Variants in KCNH7 observed in about 807,000 individuals in gnomAD.
KCNH7 encodes voltage-gated inwardly rectifying potassium channel KCNH7.
KCNH7 carries 49 observed loss-of-function variants against 120.8 expected under a neutral mutation model. The observed-to-expected ratio is 0.41, with a 90% CI of 0.32 to 0.51. The LOEUF is 0.51. Among genes scored for constraint, KCNH7 ranks in the 20% least tolerant of loss-of-function variants. The pLI, the probability that KCNH7 is intolerant of heterozygous loss-of-function variation, is 0.38. For synonymous variants in KCNH7, 547 were observed against 516.1 expected, an observed-to-expected ratio of 1.06 and a Z score of -0.81; for missense variants, 1,097 against 1,446.6, an observed-to-expected ratio of 0.76 and a Z score of 3.92.
chr2:162,530,580 T>A (rs1359935692), intron 3 of KCNH7, among the ~76,000 whole-genome samples: 1 of 152,014 alleles, frequency 6.6e-6, no homozygotes, highest in African/African-American at 2.4e-5. Context: ...CATTGTATAC[T>A]TCTTTGTAAC....
chr2:162,537,912 A>T (rs1405097460), intron 2 of KCNH7, among the ~76,000 whole-genome samples: 1 of 152,110 alleles, frequency 6.6e-6, no homozygotes, highest in Admixed American at 6.6e-5. Context: ...TTTTAAATCA[A>T]CTGACTGCTG....
At chr2:162,637,543 A>G (rs946850259) in intron 2 of KCNH7, among the ~76,000 whole-genome samples, 1 of 152,106 alleles carries the variant, frequency 6.6e-6, no homozygotes, top group African/African-American at 2.4e-5. Flanking sequence ...TCATGGTGAC[A>G]ATAGTTAGAA....
At chr2:162,491,873 C>T (rs1690321308) in intron 6 of KCNH7, among the ~76,000 whole-genome samples, 1 of 152,082 alleles carries the variant, frequency 6.6e-6, no homozygotes, top group African/African-American at 2.4e-5. Flanking sequence ...ACTGGGATTC[C>T]TTTGGGGAAA....
intron 12 of KCNH7, among the ~76,000 whole-genome samples, chr2:162,386,381 A>G (rs1272136428): frequency 1.3e-5 from 2 of 151,870 alleles, no homozygotes; most frequent in Non-Finnish European, 2.9e-5. Context: ...TTTGATCAAC[A>G]TTCTCTACTT....
intron 6 of KCNH7, among the ~76,000 whole-genome samples, chr2:162,463,400 C>G (rs1689208552): frequency 1.3e-5 from 2 of 151,422 alleles, no homozygotes; most frequent in African/African-American, 2.4e-5. Flanking sequence ...AAAGTTTTAA[C>G]AGAAGTCAGA....
intron 2 of KCNH7, among the ~76,000 whole-genome samples, chr2:162,740,996 T>C (rs1688106963): frequency 6.6e-6 from 1 of 152,164 alleles, no homozygotes; most frequent in Non-Finnish European, 1.5e-5. Flanking sequence ...GAGTTCTCTA[T>C]GAATCTTGAT....
intron 2 of KCNH7, among the ~76,000 whole-genome samples, chr2:162,677,445 C>G (rs1219201650): frequency 6.6e-6 from 1 of 151,422 alleles, no homozygotes; most frequent in Non-Finnish European, 1.5e-5. Flanking sequence ...CCCTCAGATA[C>G]TCTTTTGTGC....
In KCNH7 at chr2:162,420,780, G is replaced by A. The variant is rs370461091; in HGVS notation, c.2154+2556C>T. Among the ~76,000 whole-genome samples, 273 of 152,186 alleles carry A rather than the reference G, an allele frequency of 1.8e-3. 10 individuals carry two copies. The South Asian group carries it at 0.049, about 27-fold the overall frequency. On this transcript the variant is annotated intron_variant, in intron 9 of 15. Transcript: ENST00000332142. ...TGAGAAATTATATTTAAGGTTATAC[G>A]TAAAATATCATGGAATGCTGATGCG...
At chr2:162,437,658 A>G (rs62188200) in intron 7 of KCNH7, among the ~76,000 whole-genome samples, 1,751 of 152,244 alleles carry the variant, frequency 0.012, 13 homozygotes, top group Non-Finnish European at 0.019. Context: ...GTGAATACAA[A>G]TAATAAGGCC....
In KCNH7 at chr2:162,458,759, G is replaced by T. The variant is rs868188629; in HGVS notation, c.1129-12316C>A. 1.1e-4 allele frequency among the ~76,000 whole-genome samples: 16 copies of T among 152,238 alleles called. No homozygotes were observed. In the South Asian group the frequency reaches 2.5e-3, roughly 24 times the overall value. ...TTGGCTGGGACGATGTGAGGTAGAGGCATAGATGCCAACAGGAGGACGTCT... is the reference window on the plus strand; with the variant it reads ...TTGGCTGGGACGATGTGAGGTAGAGTCATAGATGCCAACAGGAGGACGTCT... On this transcript the variant is annotated intron_variant, in intron 6 of 15. Coordinates refer to ENST00000332142, the MANE Select transcript of KCNH7 (RefSeq NM_033272.4).
intron 2 of KCNH7, among the ~76,000 whole-genome samples, chr2:162,708,669 A>G (rs1048193113): frequency 1.3e-5 from 2 of 152,090 alleles, no homozygotes; most frequent in Non-Finnish European, 2.9e-5. Flanking sequence ...TAGAGTGCCA[A>G]AGAGAACCAC....
chr2:162,581,615 T>C (rs896425199), intron 2 of KCNH7, among the ~76,000 whole-genome samples: 4 of 147,590 alleles, frequency 2.7e-5, no homozygotes, highest in African/African-American at 1.1e-4. Flanking sequence ...TTTTTAAAAG[T>C]GTATTTAAAT....
chr2:162,512,748 TAC>T, intron 4 of KCNH7, 74 bp from the exon 5 acceptor site: 1 of 1,112,304 alleles, frequency 9.0e-7, no homozygotes, highest in Non-Finnish European at 1.3e-6. Context: ...TACACTGAAT[TAC>T]CTGTATAAAA....
intron 7 of KCNH7, among the ~76,000 whole-genome samples, chr2:162,436,006 G>C (rs1688223627): frequency 6.6e-6 from 1 of 152,066 alleles, no homozygotes; most frequent in Admixed American, 6.6e-5. Context: ...CTATTTAACA[G>C]ACAAAGTGTC....
intron 3 of KCNH7, among the ~76,000 whole-genome samples, chr2:162,532,320 GC>G (rs1691951248): frequency 2.0e-5 from 3 of 151,862 alleles, no homozygotes; most frequent in Admixed American, 2.0e-4. Flanking sequence ...GCAGAAGAGG[GC>G]CTCTCACTGA....
chr2:162,483,039 A>G lies in KCNH7; in HGVS notation c.1128+21404T>C, dbSNP rs561857347. On this transcript the variant is annotated intron_variant, in intron 6 of 15. Transcript: ENST00000332142. ...AGAATGGGAATGAAGAAGGACCCCT[A>G]TTAATAAGGAATTAACTCCTCATAA... 5.3e-5 allele frequency among the ~76,000 whole-genome samples: 8 copies of G among 152,300 alleles called. No individual in the cohort carries two copies. In the East Asian group the frequency reaches 9.6e-4, roughly 18 times the overall value.
At chr2:162,658,109 A>G (rs1300796909) in intron 2 of KCNH7, among the ~76,000 whole-genome samples, 2 of 151,492 alleles carry the variant, frequency 1.3e-5, no homozygotes, top group African/African-American at 4.8e-5. Context: ...CAAGAAGAAG[A>G]CGGCCAACTA....
intron 2 of KCNH7, among the ~76,000 whole-genome samples, chr2:162,626,751 T>C (rs1265535448): frequency 6.6e-6 from 1 of 152,102 alleles, no homozygotes. Flanking sequence ...TTTTAAAGCA[T>C]GAAAATTAAT....
At chr2:162,754,766 C>A (rs1026112506) in intron 2 of KCNH7, among the ~76,000 whole-genome samples, 2 of 151,980 alleles carry the variant, frequency 1.3e-5, no homozygotes, top group Non-Finnish European at 2.9e-5. Context: ...AAATCCAAAG[C>A]AATAAAATGC....
Sources: allele counts gnomAD v4.1 joint callset (sites outside exome capture counted in the v4.1 genomes callset), GRCh38; gene constraint gnomAD v4.1.1; transcripts MANE v1.5; gene names NCBI Gene and HGNC (gene_info 2026-07-23, HGNC 2026-07-21).